The following LRRK2 variants were observed in gnomAD, a reference collection of about 807,000 sequenced individuals.
LRRK2 encodes leucine rich repeat kinase 2.
In LRRK2, 203 loss-of-function variants were observed where a neutral mutation model predicts 302.6. The ratio of observed to expected loss-of-function variants is 0.67; its 90% CI spans 0.60 to 0.75. The LOEUF (loss-of-function observed/expected upper bound fraction) is 0.75, where lower values mean the gene tolerates loss of function less well. Ranked by LOEUF, LRRK2 falls within the 30% of genes least tolerant of loss-of-function variation. LRRK2 has a pLI of 0.00. For missense variants in LRRK2, 2,830 were observed against 2,951.0 expected, an observed-to-expected ratio of 0.96 and a Z score of 0.95; for synonymous variants, 1,066 against 1,031.9, an observed-to-expected ratio of 1.03 and a Z score of -0.63.
chr12:40,279,358 C>T (rs956700514), intron 18 of LRRK2, among the ~76,000 whole-genome samples: 4 of 151,458 alleles, frequency 2.6e-5, no homozygotes, highest in African/African-American at 9.7e-5. Flanking sequence ...GAATTTGTAA[C>T]CCATTTTCAT....
Position 40,276,902 on chromosome 12 carries a change from G to A in LRRK2, c.1942-986G>A, listed in dbSNP as rs139952019. 3.8e-3 allele frequency among the ~76,000 whole-genome samples: 578 copies of A among 152,156 alleles called. 21 individuals are homozygous for A. In the East Asian group the frequency reaches 0.097, roughly 25 times the overall value. On this transcript the variant is annotated intron_variant, in intron 16 of 50. Coordinates refer to ENST00000298910, the MANE Select transcript of LRRK2 (RefSeq NM_198578.4). The stretch of plus-strand genomic sequence containing the variant: ...GGCTAGAGTGCAGTGGCACAATCTC[G>A]GTTCACTGCAACCTCTGCCTCCTGG...
chr12:40,335,659 G>T (rs17520292), intron 40 of LRRK2, among the ~76,000 whole-genome samples: 1 of 152,120 alleles, frequency 6.6e-6, no homozygotes, highest in African/African-American at 2.4e-5. Flanking sequence ...AAGACAAAAG[G>T]CCTGGGATTC....
At chr12:40,344,187 A>G (rs1946128941) in intron 41 of LRRK2, among the ~76,000 whole-genome samples, 1 of 152,160 alleles carries the variant, frequency 6.6e-6, no homozygotes, top group Non-Finnish European at 1.5e-5. Context: ...TGTGCACTGG[A>G]TGAGAATTTA....
At chr12:40,246,080 C>A (rs1331458658) in intron 7 of LRRK2, among the ~76,000 whole-genome samples, 1 of 151,800 alleles carries the variant, frequency 6.6e-6, no homozygotes, top group East Asian at 1.9e-4. Context: ...CAAAATAATG[C>A]ATCTTACAAG....
chr12:40,349,511 T>TA (rs1592323129), intron 43 of LRRK2, among the ~76,000 whole-genome samples: 7 of 9,948 alleles, frequency 7.0e-4, no homozygotes, highest in East Asian at 5.3e-3. Context: ...GTATTCTTTT[T>TA]CTTATTTATT....
In LRRK2 at chr12:40,256,915, C is replaced by T. The variant is rs11564185; in HGVS notation, c.1289-333C>T. Among the ~76,000 whole-genome samples, 5,013 of 152,230 alleles carry T rather than the reference C, an allele frequency of 0.033. 233 individuals are homozygous for T. Among genetic ancestry groups the T allele is most frequent in the South Asian group, 0.12 (562 of 4,828 alleles). ...TTAACTTTCATTCTTATTTTGGAGA[C>T]CATTATTTAAACAGATTTCTTTTTT... On this transcript the variant is annotated intron_variant, in intron 11 of 50. Transcript: ENST00000298910.
intron 11 of LRRK2, among the ~76,000 whole-genome samples, chr12:40,254,859 G>A (rs1942432116): frequency 6.6e-6 from 1 of 152,058 alleles, no homozygotes; most frequent in Non-Finnish European, 1.5e-5. Flanking sequence ...TTGGAGTTCT[G>A]CCTTAATAAA....
chr12:40,274,780 T>G, intron 15 of LRRK2, 53 bp downstream of exon 15: 1 of 1,611,154 alleles, frequency 6.2e-7, no homozygotes, highest in Non-Finnish European at 8.5e-7. Context: ...GGGCATTAGC[T>G]GGTGACTGGA....
At chr12:40,294,461 GA>G (rs1944300651) in intron 21 of LRRK2, among the ~76,000 whole-genome samples, 1 of 152,054 alleles carries the variant, frequency 6.6e-6, no homozygotes, top group Admixed American at 6.6e-5. Context: ...TAAGATGGGT[GA>G]AATGAATGAC....
intron 13 of LRRK2, among the ~76,000 whole-genome samples, chr12:40,261,916 T>C (rs2136532564): frequency 6.6e-6 from 1 of 152,302 alleles, no homozygotes; most frequent in Non-Finnish European, 1.5e-5. Context: ...TCTTCTACTT[T>C]ATAATAACTT....
chr12:40,358,169 A>G (rs1946599260), intron 46 of LRRK2, among the ~76,000 whole-genome samples: 1 of 151,530 alleles, frequency 6.6e-6, no homozygotes, highest in Admixed American at 6.6e-5. Flanking sequence ...ATATTTCCTC[A>G]CATTTAATGG....
intron 24 of LRRK2, among the ~76,000 whole-genome samples, chr12:40,298,789 A>G (rs1430916305): frequency 8.9e-6 from 1 of 112,518 alleles, no homozygotes; most frequent in Non-Finnish European, 1.8e-5. Flanking sequence ...ATATATATAT[A>G]TATATATATA....
At chr12:40,286,946 A>G (rs936298890) in intron 19 of LRRK2, among the ~76,000 whole-genome samples, 2 of 151,980 alleles carry the variant, frequency 1.3e-5, no homozygotes, top group South Asian at 2.1e-4. Context: ...CATCATTTCA[A>G]TTACTCTTTT....
At chr12:40,237,734 A>G (rs1362214727) in intron 4 of LRRK2, among the ~76,000 whole-genome samples, 1 of 152,166 alleles carries the variant, frequency 6.6e-6, no homozygotes, top group Non-Finnish European at 1.5e-5. Flanking sequence ...AGACTCATGA[A>G]ATTATAGTAA....
chr12:40,319,057 T>A (rs1396706244), intron 33 of LRRK2, among the ~76,000 whole-genome samples: 1 of 152,088 alleles, frequency 6.6e-6, no homozygotes, highest in Non-Finnish European at 1.5e-5. Context: ...ATAAATAATG[T>A]TTGCTTCTGT....
In LRRK2 at chr12:40,289,186, T is replaced by A. The variant is rs560611519; in HGVS notation, c.2689+1647T>A. Among the ~76,000 whole-genome samples, 13 of 151,964 alleles carry A rather than the reference T, an allele frequency of 8.6e-5. 3 individuals are homozygous for A. Among genetic ancestry groups the A allele is most frequent in the African/African-American group, 3.1e-4 (13 of 41,558 alleles). ...AATATTATATAATTCCTCATTGAAT[T>A]AATGGAAGCTTTGTTCTCTTTAATT... On this transcript the variant is annotated intron_variant, in intron 20 of 50. Transcript: ENST00000298910.
At chr12:40,307,390 A>T (rs1429956276) in intron 28 of LRRK2, among the ~76,000 whole-genome samples, 2 of 152,078 alleles carry the variant, frequency 1.3e-5, no homozygotes, top group Non-Finnish European at 2.9e-5. Flanking sequence ...TCTATCCATT[A>T]TATTTTTGAT....
At position 40,225,627 on chromosome 12, in the gene LRRK2, C is replaced by T; in HGVS notation, c.224C>T (p.Ala75Val). 1 of 1,613,510 alleles carries T rather than the reference C, an allele frequency of 6.2e-7. No homozygotes were observed. The highest frequency in any genetic ancestry group is 8.5e-7 in the Non-Finnish European group (1 of 1,179,552). ...LIVLDSYMRV[A>V]SVQQVGWSLL... ...GTCTTGGACTCCTATATGAGAGTCG[C>T]GAGTGTGCAGCAGGTAAAGGCATTG... is the stretch of plus-strand genomic sequence containing the variant. The change falls in exon 2 of 51, where the codon GCG becomes GTG. Residue 75 changes from alanine (A) to valine (V), a missense_variant. Physicochemically the swap from Ala to Val is moderately conservative, Grantham distance 64. Around this residue, in one of 3 missense-constraint regions of LRRK2, gnomAD observed 2,121 missense variants for 2,148.0 expected, o/e 0.99. Coordinates refer to ENST00000298910, the MANE Select transcript of LRRK2 (RefSeq NM_198578.4).
At position 40,310,494 on chromosome 12, in the gene LRRK2, C is replaced by T. The variant is rs898118986; in HGVS notation, c.4381C>T (p.Gln1461Ter). ...GTHLDVSDEK[Q>*]RKACMSKITK... ...ACATTTGGATGTTTCTGATGAGAAG[C>T]AACGCAAAGCCTGCATGAGTAAAAT... The change falls in exon 31 of 51, where the codon CAA becomes TAA. Residue 1461 changes from glutamine (Q) to a stop codon, truncating the protein, a stop_gained. Coordinates refer to ENST00000298910, the MANE Select transcript of LRRK2 (RefSeq NM_198578.4). LOFTEE classifies it high-confidence loss of function. 2 of 1,612,928 alleles carry T rather than the reference C, an allele frequency of 1.2e-6. No individual in the cohort carries two copies. Among genetic ancestry groups the T allele is most frequent in the Admixed American group, 3.3e-5 (2 of 59,794 alleles).
Sources: gnomAD v4.1 joint callset for allele counts (sites outside exome capture counted in the v4.1 genomes callset) on GRCh38, gnomAD v4.1.1 for gene constraint, gnomAD v4.1.1 regional missense constraint, MANE v1.5 for transcripts, NCBI Gene and HGNC (gene_info 2026-07-23, HGNC 2026-07-21) for gene names.